The following ACAD11 variants were observed in gnomAD, a reference collection of about 807,000 sequenced individuals.
ACAD11 encodes the protein acyl-Coenzyme A dehydrogenase family, member 11.
A neutral mutation model predicts 102.2 loss-of-function variants in ACAD11; 83 were observed. The ratio of observed to expected loss-of-function variants is 0.81; its 90% CI spans 0.68 to 0.97. ACAD11 has a LOEUF of 0.97. ACAD11 is among the 50% of genes least tolerant of loss of function. ACAD11 has a pLI of 0.00. For synonymous variants in ACAD11, 324 were observed against 319.8 expected, an observed-to-expected ratio of 1.01 and a Z score of -0.14; for missense variants, 901 against 951.7, an observed-to-expected ratio of 0.95 and a Z score of 0.70.
At chr3:132,567,219 T>A (rs971988479) in intron 17 of ACAD11, among the ~76,000 whole-genome samples, 5 of 152,150 alleles carry the variant, frequency 3.3e-5, no homozygotes, top group Admixed American at 6.6e-5. Context: ...CCTCAAATGA[T>A]CCACCCGCCA....
chr3:132,647,470 C>T (rs1466017107), intron 1 of ACAD11: 1 of 152,160 alleles, frequency 6.6e-6, no homozygotes, highest in Non-Finnish European at 1.5e-5. Context: ...TGGACACTTA[C>T]TTGGTTAGAG....
intron 13 of ACAD11, chr3:132,601,695 ACT>A (rs1938609288): frequency 1.7e-5 from 8 of 459,842 alleles, no homozygotes; most frequent in South Asian, 1.5e-4. Context: ...AGTGAATAAC[ACT>A]CTGCTGTAAC....
At chr3:132,577,819 A>G (rs1032872241) in intron 15 of ACAD11, among the ~76,000 whole-genome samples, 2 of 152,330 alleles carry the variant, frequency 1.3e-5, no homozygotes, top group South Asian at 4.1e-4. Flanking sequence ...AGCCTCTGCA[A>G]TGGAAATTAT....
chr3:132,597,992 T>C (rs1023509149), intron 13 of ACAD11, among the ~76,000 whole-genome samples: 2 of 152,192 alleles, frequency 1.3e-5, no homozygotes, highest in African/African-American at 4.8e-5. Context: ...GCAATTCTTC[T>C]ATGTGGTGTC....
chr3:132,613,619 C>T (rs1004095597), intron 11 of ACAD11, among the ~76,000 whole-genome samples: 1 of 152,002 alleles, frequency 6.6e-6, no homozygotes, highest in African/African-American at 2.4e-5. Context: ...CCATCATTGG[C>T]CGGGTGCAGT....
chr3:132,566,502 A>G (rs1937217849), intron 17 of ACAD11, among the ~76,000 whole-genome samples: 1 of 152,114 alleles, frequency 6.6e-6, no homozygotes, highest in Admixed American at 6.5e-5. Context: ...AGCAGGATAA[A>G]TCCTAGAAAT....
chr3:132,598,003 T>C (rs567331300), intron 13 of ACAD11, among the ~76,000 whole-genome samples: 28 of 152,330 alleles, frequency 1.8e-4, no homozygotes, highest in African/African-American at 6.3e-4. Flanking sequence ...ATGTGGTGTC[T>C]TTCTTCAGAG....
intron 1 of ACAD11, among the ~76,000 whole-genome samples, chr3:132,658,435 C>T (rs1576633011): frequency 6.6e-6 from 1 of 152,186 alleles, no homozygotes; most frequent in East Asian, 1.9e-4. Flanking sequence ...AATTAAGTAT[C>T]TTTCAGTTAT....
rs80234455 is a variant in ACAD11, at chr3:132,578,674, G to A, written c.1774+122C>T. 2.7e-3 allele frequency: 3,020 copies of A among 1,101,566 alleles called. 63 individuals carry two copies. The African/African-American group carries it at 0.042, about 15-fold the overall frequency. The allele number at this position is 1,101,566 out of a possible 1,614,324, so 68.2% of individuals were successfully genotyped here. A position where few individuals can be genotyped will look rare whatever the true frequency, so the allele number is the denominator to read the frequency against. On this transcript the variant is annotated intron_variant, in intron 15 of 19. Transcript: ENST00000264990. ...CACCAGCATTTATATTAAGACAGTT[G>A]TCACAGACAAAGGAATATCTAAGAA...
At chr3:132,588,222 T>TATGTATGTATGC (rs567667896) in intron 13 of ACAD11, among the ~76,000 whole-genome samples, 1 of 152,228 alleles carries the variant, frequency 6.6e-6, no homozygotes, top group African/African-American at 2.4e-5. Flanking sequence ...TGTATGTATG[T>TATGTATGTATGC]ATGCATGTAG....
chr3:132,652,011 T>C (rs889835536), intron 1 of ACAD11, among the ~76,000 whole-genome samples: 2 of 152,124 alleles, frequency 1.3e-5, no homozygotes, highest in Non-Finnish European at 2.9e-5. Flanking sequence ...CATGATTCAT[T>C]TTAAAATATG....
At chr3:132,644,749 G>T (rs768431879) in intron 2 of ACAD11, 48 bp downstream of exon 2, 1 of 1,197,082 alleles carries the variant, frequency 8.4e-7, no homozygotes, top group South Asian at 1.6e-5. Context: ...TGTATTAAAA[G>T]CATTTATTTG....
chr3:132,659,389 C>A (rs1938001110), intron 1 of ACAD11: 2 of 588,540 alleles, frequency 3.4e-6, no homozygotes, highest in Non-Finnish European at 5.7e-6. Flanking sequence ...GAATGGTGAA[C>A]GTTATTGCGC....
chr3:132,600,345 C>T, intron 13 of ACAD11: 1 of 1,442,416 alleles, frequency 6.9e-7, no homozygotes, highest in Non-Finnish European at 9.3e-7. Context: ...TCCTTTTAAG[C>T]ATATTTAGAC....
rs890178666 is a variant in ACAD11, at chr3:132,558,207, T to G, written c.*764A>C. 6.6e-6 allele frequency: 1 copy of G among 152,108 alleles called. No individual in the cohort carries two copies. The highest frequency in any genetic ancestry group is 1.5e-5 in the Non-Finnish European group (1 of 68,016). 9.4% of individuals were successfully genotyped at this position (152,108 alleles called of 1,614,324 possible). Reference sequence around the variant, plus strand: ...AATCCTGTCTTCTAAATCACAACTTTTCGAGTTACAAGATTTATCCACTTC... The same window carrying G: ...AATCCTGTCTTCTAAATCACAACTTGTCGAGTTACAAGATTTATCCACTTC... On this transcript the variant is annotated 3_prime_UTR_variant, in exon 20 of 20. Coordinates refer to ENST00000264990, the MANE Select transcript of ACAD11 (RefSeq NM_032169.5).
In ACAD11 at chr3:132,619,246, C is replaced by T. The variant is rs958001435; in HGVS notation, c.1275+222G>A. 4.6e-5 allele frequency among the ~76,000 whole-genome samples: 7 copies of T among 152,052 alleles called. No individual in the cohort carries two copies. In the South Asian group the frequency reaches 1.4e-3, roughly 31 times the overall value. On this transcript the variant is annotated intron_variant, in intron 10 of 19. Transcript: ENST00000264990. The stretch of plus-strand genomic sequence containing the variant: ...ATGAATAGTTTTAATCATATTTTTT[C>T]CTTTGAACAGTTGTAAGAGGTTGTC...
At position 132,659,756 on chromosome 3, in the gene ACAD11, A is replaced by AC. The variant is rs763518648; in HGVS notation, c.-6dup. ...GCCAGTAGCACCTGGCTTCATGATC[A>AC]CCCCCGCAGGCCACAGCAACGCGGC... On this transcript the variant is annotated 5_prime_UTR_variant, in exon 1 of 20. An upstream open reading frame in the 5' UTR loses its in-frame stop. Transcript: ENST00000264990. The AC allele has an allele frequency of 3.2e-6, 5 of 1,584,892 alleles. No individual in the cohort carries two copies. The highest frequency in any genetic ancestry group is 2.3e-5 in the East Asian group (1 of 43,488).
intron 5 of ACAD11, among the ~76,000 whole-genome samples, chr3:132,638,998 T>C (rs1489062520): frequency 6.6e-6 from 1 of 152,218 alleles, no homozygotes; most frequent in Non-Finnish European, 1.5e-5. Flanking sequence ...GAATACAGTA[T>C]GCACATTTAC....
At chr3:132,586,426 G>A (rs903234000) in intron 13 of ACAD11, among the ~76,000 whole-genome samples, 3 of 151,960 alleles carry the variant, frequency 2.0e-5, no homozygotes, top group Non-Finnish European at 4.4e-5. Context: ...CACCAACATG[G>A]CACATGTATA....
Sources: gnomAD v4.1 joint callset for allele counts (sites outside exome capture counted in the v4.1 genomes callset) on GRCh38, gnomAD v4.1.1 for gene constraint, MANE v1.5 for transcripts, NCBI Gene and HGNC (gene_info 2026-07-23, HGNC 2026-07-21) for gene names.